SLC39A12: variants seen among roughly 807,000 people sequenced by gnomAD.
The protein encoded by SLC39A12 is zinc transporter ZIP12.
A neutral mutation model predicts 71.1 loss-of-function variants in SLC39A12; 63 were observed. The ratio of observed to expected loss-of-function variants is 0.89; its 90% CI spans 0.72 to 1.09. The LOEUF (loss-of-function observed/expected upper bound fraction) is 1.09. Among genes scored for constraint, SLC39A12 ranks in the 50% least tolerant of loss-of-function variants. The pLI, the probability that SLC39A12 is intolerant of heterozygous loss-of-function variation, is 0.00. For missense variants in SLC39A12, 892 were observed against 812.6 expected (o/e 1.10, Z -1.19); for synonymous variants, 351 against 301.3 (o/e 1.16, Z -1.71).
chr10:17,991,300 C>G lies in SLC39A12; in HGVS notation c.1419C>G (p.Asp473Glu), dbSNP rs193096244. Residue 473 changes from aspartate (D) to glutamate (E), a missense_variant, in exon 8 of 13, where the codon GAC becomes GAG. Physicochemically the swap from Asp to Glu is conservative, Grantham distance 45. Coordinates refer to ENST00000377369, the MANE Select transcript of SLC39A12 (RefSeq NM_001145195.2). ...KCFILLVSPNDKQGLSLVNGH... is the reference protein window; with the variant it reads ...KCFILLVSPNEKQGLSLVNGH... ...TTATTCTTCTTGTATCACCAAATGA[C>G]AAGGTATATTTTTAAGTTTTATTTG... 1 of 1,576,606 alleles carries G rather than the reference C, an allele frequency of 6.3e-7. No homozygotes were observed. Among genetic ancestry groups the G allele is most frequent in the Non-Finnish European group, 8.6e-7 (1 of 1,167,802 alleles).
At chr10:18,005,915 A>T (rs1836003377) in intron 12 of SLC39A12, 1 of 152,082 alleles carries the variant, frequency 6.6e-6, no homozygotes, top group Non-Finnish European at 1.5e-5. Flanking sequence ...GCTTGCTCTC[A>T]CGGCCTTCTG....
At chr10:17,978,596 AG>A (rs1224580331) in intron 5 of SLC39A12, among the ~76,000 whole-genome samples, 1 of 152,178 alleles carries the variant, frequency 6.6e-6, no homozygotes, top group African/African-American at 2.4e-5. Flanking sequence ...GCCAACTCTC[AG>A]GAAGAGAACA....
intron 12 of SLC39A12, among the ~76,000 whole-genome samples, chr10:18,033,341 C>G (rs1382878186): frequency 1.9e-4 from 29 of 150,204 alleles, no homozygotes; most frequent in African/African-American, 6.6e-4. Context: ...TGTTATTGGT[C>G]TATTCAGAGA....
rs1589241689 is a variant in SLC39A12, at chr10:18,003,020, A to G, written c.1760-151A>G. The G allele has an allele frequency of 4.8e-6, 3 of 630,274 alleles. No individual in the cohort carries two copies. In the East Asian group the frequency reaches 8.2e-5, roughly 17 times the overall value. 39.0% of individuals were successfully genotyped at this position (630,274 alleles called of 1,614,324 possible). A position where few individuals can be genotyped will look rare whatever the true frequency, so the allele number is the denominator to read the frequency against. ...TGAATGGGCTATGAATTCTAGAGAA[A>G]TATAGGAAAGCATTTTATTTACTGA... On this transcript the variant is annotated intron_variant, in intron 11 of 12. Transcript: ENST00000377369.
intron 10 of SLC39A12, among the ~76,000 whole-genome samples, chr10:17,997,215 T>G (rs1835711893): frequency 6.6e-6 from 1 of 152,154 alleles, no homozygotes; most frequent in Admixed American, 6.5e-5. Flanking sequence ...AGCATGATCT[T>G]TATCAGTGCA....
chr10:18,036,358 T>G (rs942395581), intron 12 of SLC39A12, among the ~76,000 whole-genome samples: 1 of 152,094 alleles, frequency 6.6e-6, no homozygotes, highest in African/African-American at 2.4e-5. Flanking sequence ...TGGTGCGCCG[T>G]TTTTTTAAGC....
chr10:17,996,716 C>T (rs1030017102), intron 10 of SLC39A12, among the ~76,000 whole-genome samples: 21 of 152,224 alleles, frequency 1.4e-4, no homozygotes, highest in African/African-American at 4.8e-4. Context: ...GCTAATGCAC[C>T]GGCGGGCGCG....
chr10:18,037,613 ATATG>A (rs59067748), intron 12 of SLC39A12, among the ~76,000 whole-genome samples: 20,627 of 152,148 alleles, frequency 0.14, 2,261 homozygotes, highest in African/African-American at 0.3. Context: ...GGGGAAATAT[ATATG>A]TAAGAAAGGA....
At chr10:18,004,548 C>G (rs1457247592) in intron 12 of SLC39A12, 1 of 152,092 alleles carries the variant, frequency 6.6e-6, no homozygotes, top group African/African-American at 2.4e-5. Context: ...ATTTTTAAAC[C>G]CCACTCTAAG....
chr10:17,986,531 C>T, intron 6 of SLC39A12, among the ~76,000 whole-genome samples: 1 of 152,170 alleles, frequency 6.6e-6, no homozygotes, highest in East Asian at 1.9e-4. Context: ...AGACCCTAAT[C>T]CCATTCAACA....
At chr10:17,966,697 C>T (rs569266156) in intron 4 of SLC39A12, among the ~76,000 whole-genome samples, 5 of 151,820 alleles carry the variant, frequency 3.3e-5, no homozygotes, top group South Asian at 4.2e-4. Context: ...AGGCTGGGTG[C>T]GGTGGCTCAC....
intron 12 of SLC39A12, chr10:18,004,488 C>T (rs746967127): frequency 5.3e-5 from 8 of 152,048 alleles, no homozygotes; most frequent in African/African-American, 1.4e-4. Flanking sequence ...AATAGCAGTG[C>T]GTTGTTGAAG....
chr10:17,953,217 C>T lies in SLC39A12; in HGVS notation c.-60C>T, dbSNP rs2130764377. ...AATTCCTTTGGTTACAAGTTTACCC[C>T]ATAAACGGCAACACACTCACCTCCA... is the stretch of plus-strand genomic sequence containing the variant. On this transcript the variant is annotated 5_prime_UTR_variant, in exon 2 of 13. Coordinates refer to ENST00000377369, the MANE Select transcript of SLC39A12 (RefSeq NM_001145195.2). 5.8e-6 allele frequency: 9 copies of T among 1,560,822 alleles called. No individual in the cohort carries two copies. The Middle Eastern group carries it at 5.2e-4, about 91-fold the overall frequency.
intron 4 of SLC39A12, among the ~76,000 whole-genome samples, chr10:17,975,927 T>C (rs1177003878): frequency 6.6e-6 from 1 of 152,172 alleles, no homozygotes; most frequent in African/African-American, 2.4e-5. Flanking sequence ...AGTTTGGTCC[T>C]GTTTTCCTTT....
Position 17,993,223 on chromosome 10 carries a change from C to A in SLC39A12, c.1465C>A (p.His489Asn). 1 of 1,551,766 alleles carries A rather than the reference C, an allele frequency of 6.4e-7. No homozygotes were observed. The highest frequency in any genetic ancestry group is 8.7e-7 in the Non-Finnish European group (1 of 1,146,946). The change falls in exon 9 of 13, where the codon CAT becomes AAT. Residue 489 changes from histidine (H) to asparagine (N), a missense_variant. By Grantham distance (68) the His-to-Asn change is moderately conservative. Coordinates refer to ENST00000377369, the MANE Select transcript of SLC39A12 (RefSeq NM_001145195.2). ...LVNGHVGHSH[H>N]LALNSELSDQ... ...TAATGGGCACGTGGGTCATTCCCAC[C>A]ATCTTGCACTCAACTCTGAATTAAG...
At chr10:18,035,174 C>A (rs1812238919) in intron 12 of SLC39A12, among the ~76,000 whole-genome samples, 1 of 149,076 alleles carries the variant, frequency 6.7e-6, no homozygotes, top group South Asian at 2.1e-4. Flanking sequence ...CTCTGTGTTT[C>A]CTGAATCTGA....
chr10:18,035,825 C>T (rs556336420), intron 12 of SLC39A12, among the ~76,000 whole-genome samples: 195 of 152,260 alleles, frequency 1.3e-3, no homozygotes, highest in African/African-American at 3.5e-3. Flanking sequence ...GATGGGTTTT[C>T]GGTGTGGATG....
intron 11 of SLC39A12, 57 bp downstream of exon 11, chr10:18,000,882 T>C: frequency 3.3e-6 from 5 of 1,509,286 alleles, no homozygotes; most frequent in Non-Finnish European, 4.5e-6. Context: ...ATAACATCTT[T>C]CCAGCTATGG....
At chr10:18,017,132 C>T (rs1010709236) in intron 12 of SLC39A12, among the ~76,000 whole-genome samples, 8 of 152,078 alleles carry the variant, frequency 5.3e-5, no homozygotes, top group African/African-American at 1.9e-4. Context: ...TTTAAAAATA[C>T]ATTTTAATTT....
Sources: gnomAD v4.1 joint callset for allele counts (sites outside exome capture counted in the v4.1 genomes callset) on GRCh38, gnomAD v4.1.1 for gene constraint, MANE v1.5 for transcripts, NCBI Gene and HGNC (gene_info 2026-07-23, HGNC 2026-07-21) for gene names.